The following SLC4A4 variants were observed in gnomAD, a reference collection of about 807,000 sequenced individuals.
The protein encoded by SLC4A4 is solute carrier family 4 member 4, also known as electrogenic sodium bicarbonate cotransporter 1.
In SLC4A4, 27 loss-of-function variants were observed where a neutral mutation model predicts 111.5. The observed-to-expected ratio is 0.24, with a 90% CI of 0.18 to 0.33. The LOEUF (loss-of-function observed/expected upper bound fraction) is 0.33, where lower values mean the gene tolerates loss of function less well. Among genes scored for constraint, SLC4A4 ranks in the 10% least tolerant of loss-of-function variants. The pLI, the probability that SLC4A4 is intolerant of heterozygous loss-of-function variation, is 1.00. For synonymous variants in SLC4A4, 443 were observed against 463.4 expected (o/e 0.96, Z 0.57); for missense variants, 909 against 1,315.5 (o/e 0.69, Z 4.78).
intron 15 of SLC4A4, among the ~76,000 whole-genome samples, chr4:71,488,438 A>G (rs1729613909): frequency 6.6e-6 from 1 of 151,690 alleles, no homozygotes. Context: ...TGACTGTGAT[A>G]GAGACATAGA....
intron 21 of SLC4A4, among the ~76,000 whole-genome samples, chr4:71,556,697 G>T (rs1249884127): frequency 6.6e-6 from 1 of 151,786 alleles, no homozygotes; most frequent in Non-Finnish European, 1.5e-5. Flanking sequence ...TTTGTAATTT[G>T]TAAAGAAATT....
intron 13 of SLC4A4, among the ~76,000 whole-genome samples, chr4:71,468,903 C>T (rs1415841090): frequency 6.6e-6 from 1 of 151,904 alleles, no homozygotes; most frequent in Non-Finnish European, 1.5e-5. Flanking sequence ...CATATTTTAC[C>T]ACTGTTGAAG....
chr4:71,569,405 T>C lies in SLC4A4; in HGVS notation c.*1654T>C, dbSNP rs1455703299. On this transcript the variant is annotated 3_prime_UTR_variant, in exon 26 of 26. Transcript: ENST00000264485. ...TTTTTTCAGGATGCAAAGGCAATTA[T>C]TCTTTGTAAGCGGGACATTTAGAAT... 1 of 151,716 alleles carries C rather than the reference T, an allele frequency of 6.6e-6. No homozygotes were observed. 9.4% of individuals were successfully genotyped at this position (151,716 alleles called of 1,614,324 possible).
rs121908857 is a variant in SLC4A4 at position 71,472,728 on chromosome 4, G to A, written c.1661G>A (p.Arg554His). ...KDNNFDYLEF[R>H]LWIGLWSAFL... ...AATAATTTTGACTATTTGGAGTTTC[G>A]CCTTTGGATTGGCCTGTGGTCCGCC... The change falls in exon 14 of 26, where the codon CGC (arginine) becomes CAC (histidine). Residue 554 changes from arginine to histidine, a missense_variant. Arg to His is a conservative substitution (Grantham distance 29). Transcript: ENST00000264485. 1.9e-6 allele frequency: 3 copies of A among 1,612,200 alleles called. No homozygotes were observed. The highest frequency in any genetic ancestry group is 1.7e-5 in the Admixed American group (1 of 59,842).
At chr4:71,290,093 T>A (rs1724219222) in intron 3 of SLC4A4, among the ~76,000 whole-genome samples, 1 of 152,086 alleles carries the variant, frequency 6.6e-6, no homozygotes, top group South Asian at 2.1e-4. Flanking sequence ...GGAAAAAAAA[T>A]GAGCTCAGTT....
At chr4:71,389,655 G>C (rs529383995) in intron 6 of SLC4A4, among the ~76,000 whole-genome samples, 2 of 152,302 alleles carry the variant, frequency 1.3e-5, no homozygotes, top group South Asian at 4.1e-4. Context: ...AAGTCTGAAG[G>C]TTCTTGGAGT....
Position 71,331,050 on chromosome 4 carries a change from A to T in SLC4A4, c.254-8320A>T, listed in dbSNP as rs867955243. ...AATGAGATACCATCTCACACCAGTT[A>T]GAATGGCGATCATTAAAAAGTCAGG... On this transcript the variant is annotated intron_variant, in intron 3 of 25. Transcript: ENST00000264485. Among the ~76,000 whole-genome samples the T allele has an allele frequency of 1.6e-4, 25 of 152,304 alleles. No individual in the cohort carries two copies. In the Middle Eastern group the frequency reaches 0.024, roughly 145 times the overall value.
chr4:71,561,357 T>C (rs1216560348), intron 23 of SLC4A4, among the ~76,000 whole-genome samples: 1 of 151,830 alleles, frequency 6.6e-6, no homozygotes, highest in African/African-American at 2.4e-5. Flanking sequence ...AAATTGTATA[T>C]ATGTAAGGTG....
At chr4:71,286,054 C>G (rs1462522748) in intron 3 of SLC4A4, among the ~76,000 whole-genome samples, 1 of 152,046 alleles carries the variant, frequency 6.6e-6, no homozygotes, top group African/African-American at 2.4e-5. Context: ...CTGGCTAACA[C>G]AGTGAAACCC....
chr4:71,305,649 A>G (rs1208053073), intron 3 of SLC4A4, among the ~76,000 whole-genome samples: 1 of 152,246 alleles, frequency 6.6e-6, no homozygotes, highest in East Asian at 1.9e-4. Flanking sequence ...ATCTCAGAGC[A>G]TATTATTTCA....
At chr4:71,364,741 T>A (rs1416676280) in intron 6 of SLC4A4, among the ~76,000 whole-genome samples, 3 of 152,156 alleles carry the variant, frequency 2.0e-5, no homozygotes, top group Non-Finnish European at 4.4e-5. Flanking sequence ...GATACAAACA[T>A]TCAGATCCTA....
chr4:71,522,478 G>T (rs1047299877), intron 16 of SLC4A4, among the ~76,000 whole-genome samples: 4 of 152,212 alleles, frequency 2.6e-5, no homozygotes, highest in Non-Finnish European at 5.9e-5. Flanking sequence ...GAAAGCCACA[G>T]ATTTGTGGTG....
intron 14 of SLC4A4, among the ~76,000 whole-genome samples, chr4:71,484,622 T>G (rs1001314669): frequency 4.0e-5 from 6 of 151,480 alleles, no homozygotes; most frequent in Admixed American, 1.3e-4. Flanking sequence ...GCCTTGTTCT[T>G]TTTGGCTATT....
At chr4:71,238,173 A>G (rs926446194) in intron 2 of SLC4A4, among the ~76,000 whole-genome samples, 1 of 152,206 alleles carries the variant, frequency 6.6e-6, no homozygotes, top group African/African-American at 2.4e-5. Context: ...TGGGAGTGAC[A>G]TATACTGTGT....
chr4:71,074,763 C>T (rs1741761184), intron 1 of SLC4A4, among the ~76,000 whole-genome samples: 1 of 152,170 alleles, frequency 6.6e-6, no homozygotes, highest in Non-Finnish European at 1.5e-5. Context: ...GTTTGTGCAA[C>T]TGTGTGCAAA....
chr4:71,567,330 G>A (rs1197102807), intron 25 of SLC4A4, among the ~76,000 whole-genome samples: 2 of 151,652 alleles, frequency 1.3e-5, no homozygotes, highest in Admixed American at 1.3e-4. Context: ...ATCAACATTA[G>A]CTCTTTTAAT....
At chr4:71,082,271 G>A (rs1363102081) in intron 1 of SLC4A4, among the ~76,000 whole-genome samples, 1 of 151,970 alleles carries the variant, frequency 6.6e-6, no homozygotes, top group African/African-American at 2.4e-5. Context: ...CAACCTAGCC[G>A]AAGCACTCTG....
At chr4:71,111,524 GTTTTTTTTTT>G (rs150777420) in intron 2 of SLC4A4, among the ~76,000 whole-genome samples, 18 of 60,818 alleles carry the variant, frequency 3.0e-4, no homozygotes, top group East Asian at 6.3e-4. Context: ...CCACGCTCAG[GTTTTTTTTTT>G]TTTTTTTTTT....
chr4:71,074,226 C>G (rs1741749159), intron 1 of SLC4A4, among the ~76,000 whole-genome samples: 1 of 152,098 alleles, frequency 6.6e-6, no homozygotes, highest in African/African-American at 2.4e-5. Context: ...CTTCAAATCC[C>G]AGTGAGTCTG....
Sources: gnomAD v4.1 joint callset for allele counts (sites outside exome capture counted in the v4.1 genomes callset) on GRCh38, gnomAD v4.1.1 for gene constraint, MANE v1.5 for transcripts, NCBI Gene and HGNC (gene_info 2026-07-23, HGNC 2026-07-21) for gene names.